The following LMLN variants were observed in gnomAD, a reference collection of about 807,000 sequenced individuals.
LMLN encodes the protein leishmanolysin like peptidase.
In LMLN, 70 loss-of-function variants were observed where a neutral mutation model predicts 92.3. The ratio of observed to expected loss-of-function variants is 0.76; its 90% CI spans 0.63 to 0.92. The LOEUF (loss-of-function observed/expected upper bound fraction) is 0.92. LMLN is among the 40% of genes least tolerant of loss of function. The pLI is 0.00. For missense variants in LMLN, 691 were observed against 814.6 expected (o/e 0.85, Z 1.85); for synonymous variants, 308 against 296.2 (o/e 1.04, Z -0.41).
At chr3:197,993,240 A>G (rs528686262) in intron 9 of LMLN, among the ~76,000 whole-genome samples, 1 of 152,306 alleles carries the variant, frequency 6.6e-6, no homozygotes, top group South Asian at 2.1e-4. Flanking sequence ...CCACTTGTAC[A>G]TAGTATTGGA....
chr3:198,040,435 A>G (rs1384858049), exon 16 of LMLN: 1 of 152,302 alleles, frequency 6.6e-6, no homozygotes, highest in Non-Finnish European at 1.5e-5. Flanking sequence ...AAGAAAAAAG[A>G]AAAAATATAT....
At chr3:198,041,797 T>C (rs1290073576) in exon 16 of LMLN, 2 of 152,206 alleles carry the variant, frequency 1.3e-5, no homozygotes, top group East Asian at 1.9e-4. Flanking sequence ...ATACAATGAA[T>C]TAATCATATA....
intron 7 of LMLN, 38 bp from the exon 8 acceptor site, chr3:197,985,758 G>A (rs1213659020): frequency 7.1e-7 from 1 of 1,404,884 alleles, no homozygotes; most frequent in African/African-American, 1.4e-5. Context: ...CAGCCTTGAT[G>A]TTTTTCACTT....
chr3:198,012,807 G>C (rs1327527706), intron 11 of LMLN, among the ~76,000 whole-genome samples: 1 of 148,284 alleles, frequency 6.7e-6, no homozygotes, highest in Non-Finnish European at 1.5e-5. Context: ...ACCCTTCAGA[G>C]CCCCCTAACT....
intron 13 of LMLN, 26 bp downstream of exon 14, chr3:198,021,631 TTA>T (rs775853629): frequency 6.3e-7 from 1 of 1,588,144 alleles, no homozygotes; most frequent in Non-Finnish European, 8.6e-7. Context: ...AAATGAAGTA[TTA>T]TATACATATT....
At chr3:197,972,360 G>A (rs1440092806) in intron 1 of LMLN, among the ~76,000 whole-genome samples, 4 of 152,026 alleles carry the variant, frequency 2.6e-5, no homozygotes, top group African/African-American at 4.8e-5. Flanking sequence ...CACCGTGTCC[G>A]GCCCCAATGA....
At position 197,976,012 on chromosome 3, in the gene LMLN, TTTTAACTTTTA is replaced by T. The variant is rs1287551691; in HGVS notation, c.349-12_349-2del. The T allele has an allele frequency of 6.8e-7, 1 of 1,461,888 alleles. No homozygotes were observed. Among genetic ancestry groups the T allele is most frequent in the Non-Finnish European group, 9.4e-7 (1 of 1,060,832 alleles). 90.6% of individuals were successfully genotyped at this position (1,461,888 alleles called of 1,614,324 possible). The stretch of plus-strand genomic sequence containing the variant: ...TCCTTATAATTCTGTTTCTTTTTTT[TTTTAACTTTTA>T]TTTAGAACAAGCTTTTCCCACAAGC... On this transcript the variant is annotated splice_region_variant and splice_polypyrimidine_tract_variant and intron_variant, in intron 3 of 15. Transcript: ENST00000330198.
intron 8 of LMLN, among the ~76,000 whole-genome samples, chr3:197,989,043 A>G (rs536100587): frequency 6.6e-6 from 1 of 152,302 alleles, no homozygotes; most frequent in East Asian, 1.9e-4. Flanking sequence ...AGTCTAAACT[A>G]TGTCTCTTGT....
intron 1 of LMLN, among the ~76,000 whole-genome samples, chr3:197,962,306 T>A (rs892246130): frequency 2.0e-5 from 3 of 151,982 alleles, no homozygotes; most frequent in Admixed American, 2.0e-4. Context: ...TATGTGATAG[T>A]AATTTATTCC....
chr3:197,976,541 C>A, intron 4 of LMLN, 57 bp from the exon 5 acceptor site: 1 of 964,886 alleles, frequency 1.0e-6, no homozygotes, highest in Non-Finnish European at 1.6e-6. Context: ...ATGTTTTTAA[C>A]TGCTATAAAA....
chr3:198,008,300 A>C (rs1386618970), intron 11 of LMLN, among the ~76,000 whole-genome samples: 2 of 152,148 alleles, frequency 1.3e-5, no homozygotes, highest in African/African-American at 4.8e-5. Context: ...ATTTTGAAAA[A>C]CAGGTATATC....
intron 5 of LMLN, among the ~76,000 whole-genome samples, chr3:197,977,547 A>G (rs1358563387): frequency 6.6e-6 from 1 of 152,156 alleles, no homozygotes; most frequent in Non-Finnish European, 1.5e-5. Flanking sequence ...GATACATATA[A>G]AAATCATCAA....
chr3:197,998,583 G>C (rs1286837625), intron 10 of LMLN, among the ~76,000 whole-genome samples: 2 of 151,894 alleles, frequency 1.3e-5, no homozygotes, highest in South Asian at 4.1e-4. Flanking sequence ...TTTTTAAAGC[G>C]TGGTATCACA....
At chr3:198,022,313 A>G (rs1403287926) in intron 13 of LMLN, among the ~76,000 whole-genome samples, 1 of 152,222 alleles carries the variant, frequency 6.6e-6, no homozygotes, top group East Asian at 1.9e-4. Context: ...AATAATAGTT[A>G]CAGCTCATAC....
intron 1 of LMLN, among the ~76,000 whole-genome samples, chr3:197,970,983 G>C (rs187702300): frequency 1.3e-3 from 198 of 152,266 alleles, no homozygotes; most frequent in African/African-American, 4.6e-3. Flanking sequence ...AGATGTATGT[G>C]AAATGTCTTT....
intron 1 of LMLN, among the ~76,000 whole-genome samples, chr3:197,971,025 T>C (rs1259286150): frequency 6.6e-6 from 1 of 152,236 alleles, no homozygotes. Context: ...GGTACTTTCA[T>C]TGGATATAGA....
At position 198,031,496 on chromosome 3, in the gene LMLN, C is replaced by T. The variant is rs547871518; in HGVS notation, c.1657-4337C>T. On this transcript the variant is annotated intron_variant, in intron 14 of 15. Transcript: ENST00000330198. This position sits in a 1 kb window ranked among gnomAD's most constrained non-coding sequence, Gnocchi z 4.8. ...CACATTTTGGGGTGGCGTGTTCTGC[C>T]GTCCTTCAATAGCTTGGGTGGGTAT... Among the ~76,000 whole-genome samples, 4 of 152,104 alleles carry T rather than the reference C, an allele frequency of 2.6e-5. No homozygotes were observed. The highest frequency in any genetic ancestry group is 1.9e-4 in the East Asian group (1 of 5,182).
At chr3:197,982,439 T>C (rs564069082) in intron 6 of LMLN, among the ~76,000 whole-genome samples, 2 of 152,248 alleles carry the variant, frequency 1.3e-5, no homozygotes, top group East Asian at 3.9e-4. Flanking sequence ...TTGGTCAGGC[T>C]GGTCTTGAAC....
At chr3:198,007,236 C>G (rs1722319342) in intron 11 of LMLN, among the ~76,000 whole-genome samples, 1 of 152,078 alleles carries the variant, frequency 6.6e-6, no homozygotes, top group African/African-American at 2.4e-5. Context: ...TCTTTGATGT[C>G]AAGTCTAAGA....
Sources: allele counts gnomAD v4.1 joint callset (sites outside exome capture counted in the v4.1 genomes callset), GRCh38; gene constraint gnomAD v4.1.1; non-coding constraint Gnocchi (gnomAD v3.1); transcripts MANE v1.5; gene names NCBI Gene and HGNC (gene_info 2026-07-23, HGNC 2026-07-21).